The following CHIC1 variants were observed in gnomAD, a reference collection of about 807,000 sequenced individuals.
CHIC1 encodes cysteine rich hydrophobic domain 1.
In CHIC1, 7 loss-of-function variants were observed where a neutral mutation model predicts 18.5. The observed-to-expected ratio is 0.38, with a 90% CI of 0.22 to 0.71. CHIC1 has a LOEUF of 0.71. CHIC1 is among the 30% of genes least tolerant of loss of function. CHIC1 has a pLI of 0.49. For synonymous variants in CHIC1, 77 were observed against 73.5 expected, an observed-to-expected ratio of 1.05 and a Z score of -0.25; for missense variants, 159 against 176.9, an observed-to-expected ratio of 0.90 and a Z score of 0.57.
chrX:73,594,300 A>G (rs760385963), intron 3 of CHIC1, among the ~76,000 whole-genome samples: 34 of 110,870 alleles, frequency 3.1e-4, no homozygotes, highest in Non-Finnish European at 6.0e-4. Context: ...CCTCTCCAGT[A>G]GCTGGGATTA....
At chrX:73,667,760 G>T (rs932798591) in intron 3 of CHIC1, among the ~76,000 whole-genome samples, 2 of 110,992 alleles carry the variant, frequency 1.8e-5, no homozygotes, top group East Asian at 5.7e-4. Flanking sequence ...TCTTCCCCTT[G>T]TATGTGACTT....
At chrX:73,638,451 A>C (rs1392886798) in intron 3 of CHIC1, among the ~76,000 whole-genome samples, 1 of 111,550 alleles carries the variant, frequency 9.0e-6, no homozygotes, top group African/African-American at 3.3e-5. Flanking sequence ...TCTGCCATAC[A>C]TGGTGGGGTA....
intron 3 of CHIC1, among the ~76,000 whole-genome samples, chrX:73,589,596 G>T (rs775900827): frequency 7.7e-4 from 85 of 110,677 alleles, no homozygotes; most frequent in Non-Finnish European, 1.4e-3. Flanking sequence ...ACAGATTTAT[G>T]ATTATCATTT....
chrX:73,627,575 A>G (rs2057789534), intron 3 of CHIC1, among the ~76,000 whole-genome samples: 2 of 112,162 alleles, frequency 1.8e-5, no homozygotes, highest in African/African-American at 6.5e-5. Context: ...GCTTGACCCC[A>G]TAGCCACTGC....
chrX:73,663,928 T>C (rs2057992711), intron 3 of CHIC1, among the ~76,000 whole-genome samples: 1 of 111,767 alleles, frequency 8.9e-6, no homozygotes, highest in African/African-American at 3.3e-5. Flanking sequence ...CTTTACTGGA[T>C]AGACTTAATC....
chrX:73,600,409 G>T lies in CHIC1; in HGVS notation c.507+15837G>T, dbSNP rs1355605220. 2.9e-4 allele frequency among the ~76,000 whole-genome samples: 29 copies of T among 101,180 alleles called. No homozygotes were observed. In the East Asian group the frequency reaches 8.5e-3, roughly 30 times the overall value. The allele number at this position is 101,180 out of a possible 115,157, so 87.9% of individuals were successfully genotyped here. ...GTGAGAGAGGGCATCCCTGTCTTGT[G>T]CCAGTTTTCAAAGGGAATGCTTCCA... On this transcript the variant is annotated intron_variant, in intron 3 of 5. Coordinates refer to ENST00000373502, the MANE Select transcript of CHIC1 (RefSeq NM_001039840.4).
At position 73,608,554 on chromosome X, in the gene CHIC1, C is replaced by T. The variant is rs2057693573; in HGVS notation, c.507+23982C>T. ...AGAGCAGACTGTCTTAAATAAGTCTCCTGAAATTTCTTTTGGCAGTATTTT... is the reference window on the plus strand; with the variant it reads ...AGAGCAGACTGTCTTAAATAAGTCTTCTGAAATTTCTTTTGGCAGTATTTT... On this transcript the variant is annotated intron_variant, in intron 3 of 5. Transcript: ENST00000373502. Among the ~76,000 whole-genome samples, 3 of 108,258 alleles carry T rather than the reference C, an allele frequency of 2.8e-5. 1 individual carries two copies. The highest frequency in any genetic ancestry group is 1.9e-4 in the Admixed American group (2 of 10,325). 94.0% of individuals were successfully genotyped at this position (108,258 alleles called of 115,157 possible).
chrX:73,567,687 C>T (rs1289787076), intron 1 of CHIC1, among the ~76,000 whole-genome samples: 1 of 110,939 alleles, frequency 9.0e-6, no homozygotes, highest in Non-Finnish European at 1.9e-5. Flanking sequence ...CCTTCACCTG[C>T]AAGATAGAGA....
chrX:73,602,305 A>T (rs1603342387), intron 3 of CHIC1, among the ~76,000 whole-genome samples: 1 of 109,314 alleles, frequency 9.1e-6, no homozygotes, highest in African/African-American at 3.5e-5. Flanking sequence ...TGTTGGCTGC[A>T]TAAATGTCTT....
chrX:73,608,716 T>G (rs1234469533), intron 3 of CHIC1, among the ~76,000 whole-genome samples: 1 of 108,847 alleles, frequency 9.2e-6, no homozygotes, highest in Non-Finnish European at 1.9e-5. Context: ...AACAAACTGA[T>G]TTTTGTGTAT....
At chrX:73,571,738 A>C (rs2057471684) in intron 1 of CHIC1, among the ~76,000 whole-genome samples, 1 of 111,406 alleles carries the variant, frequency 9.0e-6, no homozygotes, top group African/African-American at 3.2e-5. Context: ...TCTTTTTTCA[A>C]TTGCTGATTT....
intron 3 of CHIC1, among the ~76,000 whole-genome samples, chrX:73,605,987 C>T (rs1415847622): frequency 6.5e-5 from 7 of 107,755 alleles, no homozygotes; most frequent in Non-Finnish European, 1.3e-4. Flanking sequence ...TTGCTCTTCT[C>T]GAGGTGTATC....
At position 73,686,761 on chromosome X, in the gene CHIC1, G is replaced by A. The variant is rs751083366; in HGVS notation, c.*5756G>A. 1 of 111,573 alleles carries A rather than the reference G, an allele frequency of 9.0e-6. No homozygotes were observed. Among genetic ancestry groups the A allele is most frequent in the East Asian group, 2.8e-4 (1 of 3,531 alleles). 9.2% of individuals were successfully genotyped at this position (111,573 alleles called of 1,213,427 possible). ...TCCAGGTAACTAGAGAGTGGGCATT[G>A]ATAAAAATATCTGGTGGAGAAGCCT... is the stretch of plus-strand genomic sequence containing the variant. On this transcript the variant is annotated 3_prime_UTR_variant, in exon 6 of 6. Coordinates refer to ENST00000373502, the MANE Select transcript of CHIC1 (RefSeq NM_001039840.4).
At chrX:73,674,342 A>G (rs964571566) in intron 3 of CHIC1, among the ~76,000 whole-genome samples, 4 of 111,905 alleles carry the variant, frequency 3.6e-5, no homozygotes, top group Middle Eastern at 4.6e-3. Context: ...GGTAGAATTC[A>G]GCTGTGAATC....
At chrX:73,587,378 T>A (rs909916621) in intron 3 of CHIC1, among the ~76,000 whole-genome samples, 5 of 111,859 alleles carry the variant, frequency 4.5e-5, no homozygotes, top group African/African-American at 1.6e-4. Flanking sequence ...TTTCATTTAC[T>A]TGTTCTTCTA....
intron 3 of CHIC1, among the ~76,000 whole-genome samples, chrX:73,659,186 G>T (rs949770305): frequency 9.0e-6 from 1 of 111,628 alleles, no homozygotes; most frequent in African/African-American, 3.3e-5. Flanking sequence ...AACTTATCTA[G>T]ATCAATTCCT....
intron 3 of CHIC1, among the ~76,000 whole-genome samples, chrX:73,628,887 A>G (rs375708336): frequency 1.8e-5 from 2 of 110,684 alleles, no homozygotes; most frequent in African/African-American, 6.6e-5. Context: ...TATTTTTTTA[A>G]TTTTTGAGGA....
intron 3 of CHIC1, among the ~76,000 whole-genome samples, chrX:73,673,711 T>G (rs947890127): frequency 5.4e-5 from 6 of 111,965 alleles, no homozygotes; most frequent in Non-Finnish European, 9.4e-5. Flanking sequence ...CAATTTGACT[T>G]CCTCTTTTCC....
chrX:73,679,217 A>G (rs775168854), intron 3 of CHIC1, 109 bp from the exon 4 acceptor site: 1 of 482,804 alleles, frequency 2.1e-6, no homozygotes, highest in African/African-American at 2.5e-5. Context: ...TAATAGAAAA[A>G]CAAGGAGATA....
Sources: gnomAD v4.1 joint callset for allele counts (sites outside exome capture counted in the v4.1 genomes callset) on GRCh38, gnomAD v4.1.1 for gene constraint, MANE v1.5 for transcripts, NCBI Gene and HGNC (gene_info 2026-07-23, HGNC 2026-07-21) for gene names.